The following IL1RAPL1 variants were observed in gnomAD, a reference collection of about 807,000 sequenced individuals.
IL1RAPL1 encodes the protein interleukin-1 receptor accessory protein-like 1.
A neutral mutation model predicts 48.4 loss-of-function variants in IL1RAPL1; 3 were observed. The ratio of observed to expected loss-of-function variants is 0.06; its 90% CI spans 0.03 to 0.16. The LOEUF is 0.16. Among genes scored for constraint, IL1RAPL1 ranks in the 10% least tolerant of loss-of-function variants. IL1RAPL1 has a pLI of 1.00. For missense variants in IL1RAPL1, 349 were observed against 530.6 expected (o/e 0.66, Z 3.36); for synonymous variants, 185 against 187.7 (o/e 0.99, Z 0.12).
chrX:28,983,432 C>A (rs775580253), intron 2 of IL1RAPL1, among the ~76,000 whole-genome samples: 1 of 112,090 alleles, frequency 8.9e-6, no homozygotes, highest in East Asian at 2.8e-4. Flanking sequence ...CAATATTCCT[C>A]TAGCAGTGCC....
At chrX:28,734,342 C>T (rs891188792) in intron 1 of IL1RAPL1, among the ~76,000 whole-genome samples, 1 of 110,711 alleles carries the variant, frequency 9.0e-6, no homozygotes, top group Non-Finnish European at 1.9e-5. Context: ...TATATAGTGG[C>T]CCCCATTATT....
At chrX:29,659,022 T>G (rs1364448573) in intron 5 of IL1RAPL1, among the ~76,000 whole-genome samples, 1 of 111,769 alleles carries the variant, frequency 8.9e-6, no homozygotes, top group East Asian at 2.8e-4. Flanking sequence ...ACTAATGTCA[T>G]TTTTCACAGA....
chrX:29,502,156 C>A (rs1437352493), intron 5 of IL1RAPL1, among the ~76,000 whole-genome samples: 1 of 110,778 alleles, frequency 9.0e-6, no homozygotes, highest in Non-Finnish European at 1.9e-5. Flanking sequence ...AAATGCTATT[C>A]ATATTTATTT....
At chrX:29,690,171 A>G (rs1364317086) in intron 6 of IL1RAPL1, among the ~76,000 whole-genome samples, 1 of 111,914 alleles carries the variant, frequency 8.9e-6, no homozygotes, top group Admixed American at 9.5e-5. Flanking sequence ...GGTGATATCA[A>G]TAATAAGAAA....
intron 5 of IL1RAPL1, among the ~76,000 whole-genome samples, chrX:29,630,638 A>T (rs2147079144): frequency 9.2e-6 from 1 of 108,667 alleles, no homozygotes; most frequent in Admixed American, 9.9e-5. Context: ...TCCCGGGTTC[A>T]CACCATTCTC....
intron 5 of IL1RAPL1, among the ~76,000 whole-genome samples, chrX:29,591,947 G>A (rs1256070579): frequency 8.9e-6 from 1 of 111,890 alleles, no homozygotes; most frequent in Non-Finnish European, 1.9e-5. Context: ...ATCTGGCTGG[G>A]CAGCCTCTGG....
chrX:29,852,697 T>C (rs1931395174), intron 6 of IL1RAPL1, among the ~76,000 whole-genome samples: 1 of 111,942 alleles, frequency 8.9e-6, no homozygotes, highest in African/African-American at 3.3e-5. Flanking sequence ...TTTCAACAGA[T>C]GAATAACCAT....
At chrX:28,873,523 C>CTTTTTT (rs10554661) in intron 2 of IL1RAPL1, among the ~76,000 whole-genome samples, 8 of 56,676 alleles carry the variant, frequency 1.4e-4, no homozygotes, top group Admixed American at 2.4e-4. Flanking sequence ...TTCTTTCTTT[C>CTTTTTT]TTTTTTTTTT....
chrX:29,262,135 C>T (rs922040510), intron 2 of IL1RAPL1, among the ~76,000 whole-genome samples: 2 of 111,337 alleles, frequency 1.8e-5, no homozygotes, highest in African/African-American at 6.5e-5. Flanking sequence ...TAATACCTAC[C>T]GTGAATAAAC....
chrX:29,228,228 G>A (rs1271424100), intron 2 of IL1RAPL1, among the ~76,000 whole-genome samples: 3 of 95,020 alleles, frequency 3.2e-5, no homozygotes, highest in Non-Finnish European at 6.2e-5. Flanking sequence ...ACACACAACT[G>A]TGACCATTAT....
intron 3 of IL1RAPL1, among the ~76,000 whole-genome samples, chrX:29,305,324 T>C (rs1416877385): frequency 9.0e-6 from 1 of 111,567 alleles, no homozygotes; most frequent in Non-Finnish European, 1.9e-5. Flanking sequence ...AGTGAGAAAA[T>C]GTAACTTTGT....
intron 4 of IL1RAPL1, among the ~76,000 whole-genome samples, chrX:29,397,825 A>G (rs1305023192): frequency 9.0e-6 from 1 of 111,584 alleles, no homozygotes; most frequent in Non-Finnish European, 1.9e-5. Context: ...TTGTTCACTA[A>G]TAAGTTTATT....
intron 5 of IL1RAPL1, among the ~76,000 whole-genome samples, chrX:29,604,203 C>G (rs1011978372): frequency 8.9e-6 from 1 of 112,208 alleles, no homozygotes; most frequent in South Asian, 3.7e-4. Context: ...CAAACTTCTA[C>G]TTTCTCCTCT....
chrX:29,332,648 ATTTTATTTT>A (rs1932898547), intron 3 of IL1RAPL1, among the ~76,000 whole-genome samples: 1 of 72,904 alleles, frequency 1.4e-5, no homozygotes, highest in Non-Finnish European at 2.6e-5. Context: ...TTATTTATTT[ATTTTATTTT>A]TTTTTTTTTA....
intron 1 of IL1RAPL1, among the ~76,000 whole-genome samples, chrX:28,648,497 C>T (rs1387805037): frequency 2.7e-5 from 3 of 111,828 alleles, no homozygotes; most frequent in Non-Finnish European, 5.6e-5. Context: ...TAAATATTAG[C>T]AATACAACTT....
chrX:28,915,814 A>T (rs1923475318), intron 2 of IL1RAPL1, among the ~76,000 whole-genome samples: 1 of 111,316 alleles, frequency 9.0e-6, no homozygotes. Flanking sequence ...AATGCTCTTG[A>T]TATATTCCAA....
At position 29,802,791 on chromosome X, in the gene IL1RAPL1, GTATATA is replaced by G. The variant is rs1195101220; in HGVS notation, c.779-114659_779-114654del. Reference sequence around the variant, plus strand: ...TATATATATATATATATGTGTGTGTGTATATATATATATATATATGTGTGTATATAT... The same window carrying G: ...TATATATATATATATATGTGTGTGTGTATATATATATATGTGTGTATATAT... On this transcript the variant is annotated intron_variant, in intron 6 of 10. Coordinates refer to ENST00000378993, the MANE Select transcript of IL1RAPL1 (RefSeq NM_014271.4). 6.6e-3 allele frequency among the ~76,000 whole-genome samples: 224 copies of G among 34,093 alleles called. 3 individuals carry two copies. The highest frequency in any genetic ancestry group is 0.03 in the African/African-American group (217 of 7,120). 29.6% of individuals were successfully genotyped at this position (34,093 alleles called of 115,157 possible).
chrX:28,789,081 T>C (rs1936505709), intron 1 of IL1RAPL1, among the ~76,000 whole-genome samples: 1 of 111,635 alleles, frequency 9.0e-6, no homozygotes, highest in African/African-American at 3.3e-5. Flanking sequence ...CAAGTGAACA[T>C]AAGATTTTAA....
At chrX:29,382,042 G>A (rs1332063594) in intron 3 of IL1RAPL1, among the ~76,000 whole-genome samples, 1 of 109,031 alleles carries the variant, frequency 9.2e-6, no homozygotes, top group Non-Finnish European at 1.9e-5. Context: ...CACCAAGGTA[G>A]TCAATTTACA....
Sources: gnomAD v4.1 joint callset for allele counts (sites outside exome capture counted in the v4.1 genomes callset) on GRCh38, gnomAD v4.1.1 for gene constraint, MANE v1.5 for transcripts, NCBI Gene and HGNC (gene_info 2026-07-23, HGNC 2026-07-21) for gene names.